Variants in CPED1 observed in about 807,000 individuals in gnomAD.
CPED1 encodes the protein cadherin-like and PC-esterase domain-containing protein 1.
Under a neutral mutation model 128.2 loss-of-function variants are expected in CPED1, and 114 were observed. That is an observed-to-expected ratio of 0.89 (90% CI 0.76 to 1.04). CPED1 has a LOEUF of 1.04. CPED1 is among the 50% of genes least tolerant of loss of function. The probability of loss-of-function intolerance (pLI) is 0.00; values close to 1 mark genes in which losing one functional copy is unlikely to be tolerated. For synonymous variants in CPED1, 462 were observed against 426.7 expected, an observed-to-expected ratio of 1.08 and a Z score of -1.02; for missense variants, 1,211 against 1,207.1, an observed-to-expected ratio of 1.00 and a Z score of -0.05.
chr7:121,037,152 T>C (rs1792917815), intron 3 of CPED1, among the ~76,000 whole-genome samples: 1 of 152,046 alleles, frequency 6.6e-6, no homozygotes, highest in African/African-American at 2.4e-5. Context: ...ATTAAGTCCC[T>C]TCTATTTATC....
chr7:121,178,777 G>A (rs960774617), intron 16 of CPED1, among the ~76,000 whole-genome samples: 10 of 152,140 alleles, frequency 6.6e-5, no homozygotes, highest in African/African-American at 9.6e-5. Flanking sequence ...GCTAATGTTC[G>A]CAGGACAAGT....
chr7:121,053,100 T>C (rs2115997861), intron 4 of CPED1, among the ~76,000 whole-genome samples: 1 of 152,326 alleles, frequency 6.6e-6, no homozygotes, highest in East Asian at 1.9e-4. Context: ...TACCTTTCAC[T>C]GAGCTTACTT....
chr7:121,007,042 T>G (rs1585013829), intron 2 of CPED1, among the ~76,000 whole-genome samples: 1 of 152,110 alleles, frequency 6.6e-6, no homozygotes, highest in East Asian at 1.9e-4. Context: ...TGATCCTAGA[T>G]ATGCACTTTA....
intron 16 of CPED1, among the ~76,000 whole-genome samples, chr7:121,148,993 G>A (rs1003272846): frequency 4.6e-5 from 7 of 152,106 alleles, no homozygotes; most frequent in Non-Finnish European, 5.9e-5. Context: ...TCTGTTTCAC[G>A]GTAAGAGATC....
At chr7:121,115,270 T>C (rs1211692820) in intron 7 of CPED1, among the ~76,000 whole-genome samples, 1 of 152,168 alleles carries the variant, frequency 6.6e-6, no homozygotes, top group Non-Finnish European at 1.5e-5. Context: ...AAATAGCCCA[T>C]GTAAAAGAAT....
chr7:121,082,497 T>C (rs531079840), intron 5 of CPED1, among the ~76,000 whole-genome samples: 1 of 152,186 alleles, frequency 6.6e-6, no homozygotes, highest in Non-Finnish European at 1.5e-5. Context: ...TCTAGATAAT[T>C]ATGGTGGGCT....
chr7:121,136,620 T>C (rs1464673693), intron 14 of CPED1, among the ~76,000 whole-genome samples: 1 of 152,162 alleles, frequency 6.6e-6, no homozygotes, highest in African/African-American at 2.4e-5. Flanking sequence ...TGGTCAGTAT[T>C]ATTATTACGA....
Position 120,989,859 on chromosome 7 carries a change from GA to G in CPED1, c.241del (p.Thr81ProfsTer39), listed in dbSNP as rs1562983018. 1 of 1,614,070 alleles carries G rather than the reference GA, an allele frequency of 6.2e-7. No individual in the cohort carries two copies. Among genetic ancestry groups the G allele is most frequent in the Admixed American group, 1.7e-5 (1 of 60,020 alleles). On this transcript the variant is annotated frameshift_variant, in exon 2 of 23. Coordinates refer to ENST00000310396, the MANE Select transcript of CPED1 (RefSeq NM_024913.5). LOFTEE classifies it high-confidence loss of function. ...CTTCCTTCTCTCTGGTAATGCCCAGGAAACCAGAAAGGTAAGACTCTCATAA... is the reference window on the plus strand; with the variant it reads ...CTTCCTTCTCTCTGGTAATGCCCAGGAACCAGAAAGGTAAGACTCTCATAA... ...QCFLLSGNAQ[E>X]TRKVKESMET...
Position 121,254,190 on chromosome 7 carries a change from A to G in CPED1, c.2310+9852A>G, listed in dbSNP as rs140159444. Among the ~76,000 whole-genome samples the G allele has an allele frequency of 1.5e-3, 232 of 152,200 alleles. 1 individual carries two copies. The highest frequency in any genetic ancestry group is 2.1e-3 in the Non-Finnish European group (143 of 67,982). ...AGCAAATCTCAACAGATTCCAAAAA[A>G]TTAAATCATACAAAGCACATTCTCA... On this transcript the variant is annotated intron_variant, in intron 18 of 22. Transcript: ENST00000310396.
At chr7:121,140,568 G>C (rs1383817055) in intron 14 of CPED1, among the ~76,000 whole-genome samples, 1 of 151,840 alleles carries the variant, frequency 6.6e-6, no homozygotes, top group Non-Finnish European at 1.5e-5. Context: ...AACTTTCAAG[G>C]GCTGAGCAGA....
intron 7 of CPED1, among the ~76,000 whole-genome samples, chr7:121,109,007 A>T (rs1320800796): frequency 6.6e-6 from 1 of 152,180 alleles, no homozygotes; most frequent in African/African-American, 2.4e-5. Flanking sequence ...TATACTTAAC[A>T]TGTAAGACTG....
At position 121,049,255 on chromosome 7, in the gene CPED1, T is replaced by G. The variant is rs564552946; in HGVS notation, c.540+2262T>G. ...GGGAACTAGCAACATTATAAAAGTT[T>G]CACTACACTGGGTCGTAAGAGGGAT... On this transcript the variant is annotated intron_variant, in intron 4 of 22. Coordinates refer to ENST00000310396, the MANE Select transcript of CPED1 (RefSeq NM_024913.5). Among the ~76,000 whole-genome samples the G allele has an allele frequency of 2.0e-5, 3 of 152,310 alleles. No individual in the cohort carries two copies. The East Asian group carries it at 5.8e-4, about 29-fold the overall frequency.
chr7:121,283,050 TAAA>T (rs1792493722), intron 22 of CPED1, among the ~76,000 whole-genome samples: 1 of 152,164 alleles, frequency 6.6e-6, no homozygotes, highest in Non-Finnish European at 1.5e-5. Flanking sequence ...CTATAACAAT[TAAA>T]AATAAGTATA....
intron 13 of CPED1, 36 bp downstream of exon 13, chr7:121,133,929 A>ATGTTG: frequency 1.6e-6 from 2 of 1,285,528 alleles, no homozygotes; most frequent in Non-Finnish European, 2.2e-6. Flanking sequence ...TTTCAACATA[A>ATGTTG]AAATAAGTAT....
intron 16 of CPED1, among the ~76,000 whole-genome samples, chr7:121,183,126 A>C (rs1796934107): frequency 1.3e-5 from 2 of 152,134 alleles, no homozygotes; most frequent in South Asian, 4.1e-4. Flanking sequence ...GCTTTCCCCA[A>C]GTGCTGAGTG....
At chr7:121,118,253 A>G (rs566705487) in intron 7 of CPED1, among the ~76,000 whole-genome samples, 3 of 152,288 alleles carry the variant, frequency 2.0e-5, no homozygotes, top group Admixed American at 1.3e-4. Flanking sequence ...TTTAATGGAT[A>G]TATGAATTAA....
intron 16 of CPED1, among the ~76,000 whole-genome samples, chr7:121,158,658 C>T (rs1796344689): frequency 6.6e-6 from 1 of 151,548 alleles, no homozygotes; most frequent in Non-Finnish European, 1.5e-5. Context: ...GAAAAGATGT[C>T]CCACTTCTTA....
intron 22 of CPED1, among the ~76,000 whole-genome samples, chr7:121,292,981 T>G (rs1297068146): frequency 1.3e-5 from 2 of 152,134 alleles, no homozygotes; most frequent in Non-Finnish European, 2.9e-5. Flanking sequence ...TGTCTCCCAG[T>G]CACGAGGCAC....
At chr7:121,265,096 G>A (rs1254013508) in intron 18 of CPED1, among the ~76,000 whole-genome samples, 1 of 152,034 alleles carries the variant, frequency 6.6e-6, no homozygotes, top group Non-Finnish European at 1.5e-5. Flanking sequence ...GGGTCCGGAG[G>A]GTGACAAGTG....
Sources: gnomAD v4.1 joint callset for allele counts (sites outside exome capture counted in the v4.1 genomes callset) on GRCh38, gnomAD v4.1.1 for gene constraint, MANE v1.5 for transcripts, NCBI Gene and HGNC (gene_info 2026-07-23, HGNC 2026-07-21) for gene names.